Variants in TRPS1 observed in about 807,000 individuals in gnomAD.
TRPS1 encodes the protein zinc finger transcription factor Trps1.
TRPS1 carries 6 observed loss-of-function variants against 101.2 expected under a neutral mutation model. The observed-to-expected ratio is 0.06, with a 90% CI of 0.03 to 0.12. The LOEUF is 0.12. Ranked by LOEUF, TRPS1 falls within the 10% of genes least tolerant of loss-of-function variation. TRPS1 has a pLI of 1.00. For synonymous variants in TRPS1, 578 were observed against 589.8 expected, an observed-to-expected ratio of 0.98 and a Z score of 0.29; for missense variants, 1,363 against 1,567.0, an observed-to-expected ratio of 0.87 and a Z score of 2.20.
intron 1 of TRPS1, among the ~76,000 whole-genome samples, chr8:115,655,882 T>C (rs746365670): frequency 2.0e-5 from 3 of 152,146 alleles, no homozygotes; most frequent in Non-Finnish European, 4.4e-5. Flanking sequence ...ATTATCTTAA[T>C]TACACAACAC....
Position 115,605,016 on chromosome 8 carries a change from G to A in TRPS1, c.967-14C>T, listed in dbSNP as rs200044397. On this transcript the variant is annotated splice_polypyrimidine_tract_variant and intron_variant, in intron 3 of 6. Transcript: ENST00000395715. ...ACCTGAAGTCACCTGGAGAACAGAA[G>A]AAATGGACTTTACTTCCAAGGTGTC... 3.0e-4 allele frequency: 478 copies of A among 1,611,436 alleles called. 1 individual carries two copies. Among genetic ancestry groups the A allele is most frequent in the Non-Finnish European group, 3.5e-4 (415 of 1,179,720 alleles).
intron 5 of TRPS1, among the ~76,000 whole-genome samples, chr8:115,544,016 C>T (rs888380050): frequency 6.6e-6 from 1 of 151,754 alleles, no homozygotes; most frequent in Non-Finnish European, 1.5e-5. Flanking sequence ...CAAAAGTGAA[C>T]AAGAAAATGT....
At chr8:115,662,342 G>GA (rs922612104) in intron 1 of TRPS1, among the ~76,000 whole-genome samples, 22 of 148,402 alleles carry the variant, frequency 1.5e-4, no homozygotes, top group Admixed American at 5.4e-4. Context: ...GGTAAAGAAG[G>GA]AAAAAAAAAA....
chr8:115,544,031 AG>A (rs1816514960), intron 5 of TRPS1, among the ~76,000 whole-genome samples: 1 of 152,052 alleles, frequency 6.6e-6, no homozygotes, highest in South Asian at 2.1e-4. Context: ...AAATGTATTT[AG>A]ACATAAAATA....
chr8:115,489,435 T>A (rs1275307993), intron 5 of TRPS1, among the ~76,000 whole-genome samples: 1 of 152,208 alleles, frequency 6.6e-6, no homozygotes, highest in Admixed American at 6.5e-5. Context: ...GTATGAAATC[T>A]TTCCCAGTTA....
At chr8:115,630,687 T>C (rs1818619713) in intron 1 of TRPS1, among the ~76,000 whole-genome samples, 1 of 152,002 alleles carries the variant, frequency 6.6e-6, no homozygotes, top group African/African-American at 2.4e-5. Flanking sequence ...GAGTGCATTA[T>C]CTCATTTGAT....
chr8:115,599,074 C>T (rs1397593944), intron 4 of TRPS1, among the ~76,000 whole-genome samples: 1 of 152,126 alleles, frequency 6.6e-6, no homozygotes, highest in Non-Finnish European at 1.5e-5. Flanking sequence ...CTATTCTGTA[C>T]ATTTTCTTTC....
intron 1 of TRPS1, among the ~76,000 whole-genome samples, chr8:115,624,393 G>A (rs999537904): frequency 2.0e-5 from 3 of 151,930 alleles, no homozygotes; most frequent in African/African-American, 7.2e-5. Context: ...ATTTAATTGT[G>A]AGATTAAAAA....
At chr8:115,449,342 A>G (rs567128822) in intron 5 of TRPS1, among the ~76,000 whole-genome samples, 9 of 152,334 alleles carry the variant, frequency 5.9e-5, no homozygotes, top group African/African-American at 1.4e-4. Flanking sequence ...TGCAAAACCT[A>G]TGATGCAATC....
intron 5 of TRPS1, among the ~76,000 whole-genome samples, chr8:115,471,392 T>TA (rs1426042634): frequency 6.6e-6 from 1 of 152,188 alleles, no homozygotes. Flanking sequence ...AGAACTCACT[T>TA]ACTATCATGA....
chr8:115,533,440 T>TTTTTTTTTTG (rs1816192727), intron 5 of TRPS1, among the ~76,000 whole-genome samples: 1 of 118,868 alleles, frequency 8.4e-6, no homozygotes, highest in African/African-American at 4.1e-5. Context: ...TAATCTGTTT[T>TTTTTTTTTTG]TTTTTTTTTT....
At chr8:115,659,851 T>G (rs1811754436) in intron 1 of TRPS1, among the ~76,000 whole-genome samples, 1 of 151,978 alleles carries the variant, frequency 6.6e-6, no homozygotes, top group African/African-American at 2.4e-5. Context: ...GGTGTTGGGA[T>G]GCATTAAGTA....
intron 5 of TRPS1, among the ~76,000 whole-genome samples, chr8:115,460,250 A>G (rs1173451077): frequency 1.3e-5 from 2 of 152,072 alleles, no homozygotes; most frequent in Admixed American, 1.3e-4. Context: ...CAGATTGCAG[A>G]CTGAAAAAGT....
intron 4 of TRPS1, among the ~76,000 whole-genome samples, chr8:115,590,007 C>T (rs1472776886): frequency 6.6e-6 from 1 of 152,028 alleles, no homozygotes; most frequent in African/African-American, 2.4e-5. Flanking sequence ...ATCCCAGTTA[C>T]TCGGGAGGCT....
chr8:115,570,168 T>C (rs1817166733), intron 5 of TRPS1, among the ~76,000 whole-genome samples: 2 of 152,108 alleles, frequency 1.3e-5, no homozygotes, highest in South Asian at 4.1e-4. Flanking sequence ...ATCCTTTTTA[T>C]TGTTATACGA....
At chr8:115,501,774 G>T (rs1815325511) in intron 5 of TRPS1, among the ~76,000 whole-genome samples, 1 of 152,060 alleles carries the variant, frequency 6.6e-6, no homozygotes, top group Non-Finnish European at 1.5e-5. Flanking sequence ...CACCAACTCT[G>T]GGTAACTTGA....
At chr8:115,590,498 T>G (rs1563627133) in intron 4 of TRPS1, among the ~76,000 whole-genome samples, 1 of 152,060 alleles carries the variant, frequency 6.6e-6, no homozygotes, top group Admixed American at 6.6e-5. Context: ...TTTCAAGATA[T>G]CAAGACTGTA....
intron 5 of TRPS1, among the ~76,000 whole-genome samples, chr8:115,498,912 G>A (rs1433684223): frequency 3.3e-5 from 5 of 152,096 alleles, no homozygotes; most frequent in Non-Finnish European, 7.4e-5. Context: ...GGGAGGTATG[G>A]TAGACTTCAG....
Position 115,619,119 on chromosome 8 carries a change from A to G in TRPS1, c.966+13T>C. The G allele has an allele frequency of 1.2e-6, 2 of 1,613,724 alleles. No homozygotes were observed. Among genetic ancestry groups the G allele is most frequent in the African/African-American group, 1.3e-5 (1 of 75,034 alleles). ...AACTTTTTCTGTACAAAGAGACAATACAAAGTACAAACCTGCACATCATAG... is the reference window on the plus strand; with the variant it reads ...AACTTTTTCTGTACAAAGAGACAATGCAAAGTACAAACCTGCACATCATAG... On this transcript the variant is annotated intron_variant, in intron 3 of 6. Coordinates refer to ENST00000395715, the MANE Select transcript of TRPS1 (RefSeq NM_014112.5).
Sources: gnomAD v4.1 joint callset for allele counts (sites outside exome capture counted in the v4.1 genomes callset) on GRCh38, gnomAD v4.1.1 for gene constraint, MANE v1.5 for transcripts, NCBI Gene and HGNC (gene_info 2026-07-23, HGNC 2026-07-21) for gene names.